Variants in TARM1 observed in about 807,000 individuals in gnomAD.
The protein encoded by TARM1 is T-cell-interacting, activating receptor on myeloid cells protein 1.
TARM1 carries 24 observed loss-of-function variants against 30.4 expected under a neutral mutation model. The ratio of observed to expected loss-of-function variants is 0.79; its 90% CI spans 0.57 to 1.11. TARM1 has a LOEUF of 1.11. Among genes scored for constraint, TARM1 ranks in the 50% least tolerant of loss-of-function variants. The pLI, the probability that TARM1 is intolerant of heterozygous loss-of-function variation, is 0.00. For missense variants in TARM1, 323 were observed against 332.8 expected, an observed-to-expected ratio of 0.97 and a Z score of 0.23; for synonymous variants, 129 against 138.9, an observed-to-expected ratio of 0.93 and a Z score of 0.50.
At chr19:54,076,277 C>A in intron 1 of TARM1, 1 of 1,416,114 alleles carries the variant, frequency 7.1e-7, no homozygotes, top group Non-Finnish European at 9.5e-7. Context: ...TTCTTTCATT[C>A]ATTCTTTCTT....
At chr19:54,081,286 G>A in intron 1 of TARM1, 21 bp downstream of exon 1, 1 of 1,547,914 alleles carries the variant, frequency 6.5e-7, no homozygotes, top group South Asian at 1.2e-5. Flanking sequence ...CAGTCCCAGT[G>A]GATAGCCCTG....
chr19:54,071,209 C>A (rs1270090881), intron 4 of TARM1, among the ~76,000 whole-genome samples: 1 of 152,102 alleles, frequency 6.6e-6, no homozygotes. Context: ...TCGCCTGCCT[C>A]GGCCTCCCAA....
At chr19:54,078,037 C>T (rs2072001926) in intron 1 of TARM1, among the ~76,000 whole-genome samples, 1 of 152,132 alleles carries the variant, frequency 6.6e-6, no homozygotes, top group Admixed American at 6.6e-5. Flanking sequence ...CAGGCATGCA[C>T]CACCATGCCC....
rs587604660 is a variant in TARM1, at chr19:54,074,156, C to A, written c.422G>T (p.Arg141Met). The A allele has an allele frequency of 1.3e-6, 2 of 1,551,280 alleles. No individual in the cohort carries two copies. The highest frequency in any genetic ancestry group is 2.4e-5 in the East Asian group (1 of 40,924). ...TCGCTTCTGGCACTGCAGAGTCACC[C>A]TTCCACCTGCGGTCACTGTACCCCT... ...YQRGTVTAGG[R>M]VTLQCQKRDQ... The change falls in exon 4 of 5, where the codon AGG becomes ATG. Residue 141 changes from arginine to methionine, a missense_variant. By Grantham distance (91) the Arg-to-Met change is moderately conservative. Coordinates refer to ENST00000432826, the MANE Select transcript of TARM1 (RefSeq NM_001135686.3).
intron 1 of TARM1, chr19:54,076,472 C>T: frequency 2.4e-6 from 1 of 416,018 alleles, no homozygotes; most frequent in East Asian, 4.6e-5. Context: ...AAGTGATTCT[C>T]CTGCCTCAGC....
At chr19:54,070,801 G>A (rs374902831) in intron 4 of TARM1, among the ~76,000 whole-genome samples, 28 of 151,038 alleles carry the variant, frequency 1.9e-4, no homozygotes, top group Admixed American at 1.1e-3. Context: ...TAGTAGAGAC[G>A]GGGTTTCTCC....
At chr19:54,073,847 A>G in intron 4 of TARM1, 73 bp downstream of exon 4, 1 of 1,470,662 alleles carries the variant, frequency 6.8e-7, no homozygotes, top group Admixed American at 2.1e-5. Flanking sequence ...AAGAAATGAG[A>G]TTCACAGAAG....
intron 1 of TARM1, among the ~76,000 whole-genome samples, chr19:54,077,130 C>G (rs1233917872): frequency 6.6e-6 from 1 of 152,000 alleles, no homozygotes; most frequent in Non-Finnish European, 1.5e-5. Flanking sequence ...CGCCTGTAAT[C>G]CCAGCACTTT....
At chr19:54,077,362 G>T (rs1449298066) in intron 1 of TARM1, among the ~76,000 whole-genome samples, 1 of 151,234 alleles carries the variant, frequency 6.6e-6, no homozygotes, top group Non-Finnish European at 1.5e-5. Context: ...CCTGGCCACA[G>T]CGCGAGACTC....
At chr19:54,079,849 C>T (rs771791757) in intron 1 of TARM1, among the ~76,000 whole-genome samples, 6 of 151,526 alleles carry the variant, frequency 4.0e-5, no homozygotes, top group Non-Finnish European at 5.9e-5. Context: ...CTAAAAAGTA[C>T]AAAAAATCAG....
intron 4 of TARM1, 107 bp from the exon 5 acceptor site, chr19:54,070,267 T>TGG: frequency 7.0e-7 from 1 of 1,431,712 alleles, no homozygotes; most frequent in Non-Finnish European, 9.2e-7. Flanking sequence ...TTCGGTTTTT[T>TGG]GGTTTTTTTT....
chr19:54,075,940 G>T lies in TARM1; in HGVS notation c.35-22C>A. The T allele has an allele frequency of 4.5e-6, 7 of 1,550,860 alleles. No individual in the cohort carries two copies. The East Asian group carries it at 1.7e-4, about 38-fold the overall frequency. Reference sequence around the variant, plus strand: ...AGTCCTGCAAGACAATCCTCCGTGAGCCAGAAGCCCCTACCTGGAGCCACG... The same window carrying T: ...AGTCCTGCAAGACAATCCTCCGTGATCCAGAAGCCCCTACCTGGAGCCACG... On this transcript the variant is annotated intron_variant, in intron 1 of 4. Coordinates refer to ENST00000432826, the MANE Select transcript of TARM1 (RefSeq NM_001135686.3).
intron 1 of TARM1, among the ~76,000 whole-genome samples, chr19:54,080,129 AAGG>A (rs2072072541): frequency 0.028 from 1,578 of 56,302 alleles, 279 homozygotes; most frequent in Non-Finnish European, 0.044. Context: ...GGAAGGAAGG[AAGG>A]AAGGAAGAAA....
At chr19:54,076,869 A>G (rs1432884904) in intron 1 of TARM1, among the ~76,000 whole-genome samples, 1 of 151,966 alleles carries the variant, frequency 6.6e-6, no homozygotes, top group African/African-American at 2.4e-5. Context: ...CCAGAGACAG[A>G]GTCTCCCTAT....
At position 54,074,913 on chromosome 19, in the gene TARM1, T is replaced by C; in HGVS notation, c.272A>G (p.Asn91Ser). 6.4e-7 allele frequency: 1 copy of C among 1,551,616 alleles called. No homozygotes were observed. Among genetic ancestry groups the C allele is most frequent in the Non-Finnish European group, 8.7e-7 (1 of 1,146,984 alleles). The change falls in exon 3 of 5, where the codon AAT becomes AGT. Residue 91 changes from asparagine (N) to serine (S), a missense_variant. Asn to Ser is a conservative substitution (Grantham distance 46). Coordinates refer to ENST00000432826, the MANE Select transcript of TARM1 (RefSeq NM_001135686.3). ...EFHLNNLKVR[N>S]AGEYTCEYYR... ...GTATTCACAGGTGTACTCTCCAGCA[T>C]TTCTGACTTTTAGATTATTGAGGTG...
Position 54,074,179 on chromosome 19 carries a change from C to A in TARM1, c.399G>T (p.Arg133Ser). The change falls in exon 4 of 5, where the codon AGG (arginine) becomes AGT (serine). Residue 133 changes from arginine (R) to serine (S), a missense_variant. Transcript: ENST00000432826. ...LSKPFLRTYQ[R>S]GTVTAGGRVT... is the part of the protein sequence containing the mutation. ...CCCTTCCACCTGCGGTCACTGTACC[C>A]CTTTGGTAGGTTCGGAGGAAAGGTT... 1 of 1,551,632 alleles carries A rather than the reference C, an allele frequency of 6.4e-7. No individual in the cohort carries two copies. Among genetic ancestry groups the A allele is most frequent in the Non-Finnish European group, 8.7e-7 (1 of 1,146,982 alleles).
intron 4 of TARM1, among the ~76,000 whole-genome samples, chr19:54,072,103 C>T (rs587654841): frequency 5.5e-4 from 84 of 151,944 alleles, no homozygotes; most frequent in African/African-American, 2.0e-3. Flanking sequence ...GCAGAAGAAT[C>T]GTTTGAACCT....
In TARM1 at chr19:54,081,320, G is replaced by A. The variant is rs1158455346; in HGVS notation, c.21C>T (p.Ser7=). The part of the protein sequence containing the change: MIPKLL[S]LLCFRLCVGQ... ...TGTGAGACTTACTGAAACAGAGGAG[G>A]GAAAGCAGCTTAGGGATCATGATGG... Residue 7 remains serine (S), a synonymous_variant, in exon 1 of 5, where the codon TCC becomes TCT. Coordinates refer to ENST00000432826, the MANE Select transcript of TARM1 (RefSeq NM_001135686.3). 1.3e-6 allele frequency: 2 copies of A among 1,546,522 alleles called. No homozygotes were observed. The highest frequency in any genetic ancestry group is 8.7e-7 in the Non-Finnish European group (1 of 1,145,190).
At chr19:54,070,490 C>T (rs2071784998) in intron 4 of TARM1, among the ~76,000 whole-genome samples, 1 of 151,674 alleles carries the variant, frequency 6.6e-6, no homozygotes, top group African/African-American at 2.4e-5. Flanking sequence ...GAACTCCCGA[C>T]CTCAGGTGAC....
Sources: gnomAD v4.1 joint callset for allele counts (sites outside exome capture counted in the v4.1 genomes callset) on GRCh38, gnomAD v4.1.1 for gene constraint, MANE v1.5 for transcripts, NCBI Gene and HGNC (gene_info 2026-07-23, HGNC 2026-07-21) for gene names.